The following APP variants were observed in gnomAD, a reference collection of about 807,000 sequenced individuals.
The protein encoded by APP is amyloid-beta precursor protein.
A neutral mutation model predicts 101.4 loss-of-function variants in APP; 31 were observed. The ratio of observed to expected loss-of-function variants is 0.31; its 90% CI spans 0.23 to 0.41. The LOEUF (loss-of-function observed/expected upper bound fraction) is 0.41, where lower values mean the gene tolerates loss of function less well. Among genes scored for constraint, APP ranks in the 10% least tolerant of loss-of-function variants. The pLI is 1.00. For synonymous variants in APP, 366 were observed against 364.4 expected (o/e 1.00, Z -0.05); for missense variants, 839 against 1,003.7 (o/e 0.84, Z 2.22).
chr21:26,145,126 G>A (rs1031329407), intron 1 of APP, among the ~76,000 whole-genome samples: 1 of 152,172 alleles, frequency 6.6e-6, no homozygotes, highest in African/African-American at 2.4e-5. Flanking sequence ...CCTGTGGGAT[G>A]AAGTCTCTGG....
chr21:25,996,976 C>G (rs746623595), intron 8 of APP, among the ~76,000 whole-genome samples: 3 of 152,206 alleles, frequency 2.0e-5, no homozygotes, highest in Non-Finnish European at 4.4e-5. Flanking sequence ...TCCACTGCAC[C>G]TAGCCCTTGT....
chr21:26,069,021 G>A (rs758749009), intron 3 of APP, among the ~76,000 whole-genome samples: 4 of 152,194 alleles, frequency 2.6e-5, no homozygotes, highest in Non-Finnish European at 5.9e-5. Context: ...TTGGGTCAAA[G>A]TCTTTCCTAT....
At chr21:26,021,769 A>G in intron 6 of APP, 71 bp downstream of exon 6, 1 of 1,585,036 alleles carries the variant, frequency 6.3e-7, no homozygotes, top group East Asian at 2.2e-5. Context: ...GCTAGGGTGG[A>G]TATTTCCAAC....
intron 14 of APP, among the ~76,000 whole-genome samples, chr21:25,906,505 G>T (rs918926640): frequency 6.6e-6 from 1 of 152,230 alleles, no homozygotes; most frequent in African/African-American, 2.4e-5. Flanking sequence ...CTACAGAACT[G>T]CACTGATTAA....
intron 11 of APP, among the ~76,000 whole-genome samples, chr21:25,971,389 C>A (rs1245299082): frequency 6.6e-6 from 1 of 152,208 alleles, no homozygotes; most frequent in East Asian, 1.9e-4. Context: ...GTGAAGGACA[C>A]TGATTCCTGA....
At chr21:25,989,247 G>C (rs1379822491) in intron 8 of APP, among the ~76,000 whole-genome samples, 1 of 152,178 alleles carries the variant, frequency 6.6e-6, no homozygotes, top group African/African-American at 2.4e-5. Context: ...ACTCCTTAGA[G>C]GATAATCCAT....
At chr21:26,071,487 T>C (rs1254062713) in intron 3 of APP, among the ~76,000 whole-genome samples, 2 of 152,228 alleles carry the variant, frequency 1.3e-5, no homozygotes, top group East Asian at 1.9e-4. Flanking sequence ...TCTGAAGAGA[T>C]AGCTCCCATT....
chr21:26,120,658 T>G (rs1293894219), intron 1 of APP, among the ~76,000 whole-genome samples: 1 of 152,200 alleles, frequency 6.6e-6, no homozygotes, highest in African/African-American at 2.4e-5. Flanking sequence ...GCTTCTTTTC[T>G]CCTACATTTT....
At chr21:25,896,478 T>C (rs574287216) in intron 16 of APP, among the ~76,000 whole-genome samples, 2 of 152,112 alleles carry the variant, frequency 1.3e-5, no homozygotes, top group South Asian at 4.1e-4. Context: ...TTAAGTATTA[T>C]TGCTATGGAA....
chr21:26,121,235 T>C (rs967915714), intron 1 of APP, among the ~76,000 whole-genome samples: 1 of 152,200 alleles, frequency 6.6e-6, no homozygotes, highest in African/African-American at 2.4e-5. Context: ...CTAGACATAA[T>C]TTATTTTATT....
At chr21:26,047,603 C>T (rs1178538262) in intron 5 of APP, among the ~76,000 whole-genome samples, 2 of 152,154 alleles carry the variant, frequency 1.3e-5, no homozygotes, top group African/African-American at 4.8e-5. Context: ...ATACTGAATC[C>T]AAACCAATTT....
chr21:26,018,673 T>TTA (rs1401855636), intron 6 of APP, among the ~76,000 whole-genome samples: 1 of 152,178 alleles, frequency 6.6e-6, no homozygotes, highest in Non-Finnish European at 1.5e-5. Context: ...GTTCAGGAGT[T>TTA]TGAGGTGGAA....
At chr21:25,883,293 C>T (rs1394665746) in intron 17 of APP, among the ~76,000 whole-genome samples, 1 of 152,116 alleles carries the variant, frequency 6.6e-6, no homozygotes, top group Non-Finnish European at 1.5e-5. Context: ...ATCCCAGCTG[C>T]TCCACAGGCG....
chr21:25,933,113 C>A (rs1344505311), intron 13 of APP, among the ~76,000 whole-genome samples: 2 of 151,820 alleles, frequency 1.3e-5, no homozygotes, highest in Non-Finnish European at 2.9e-5. Context: ...TTTCTTTTTG[C>A]TTTGAGGAAG....
intron 15 of APP, among the ~76,000 whole-genome samples, chr21:25,903,419 CAT>C (rs1220078210): frequency 6.8e-6 from 1 of 146,242 alleles, no homozygotes; most frequent in East Asian, 2.0e-4. Flanking sequence ...AAGAAAAAAA[CAT>C]TGACTGGTAG....
chr21:26,149,356 T>C (rs2063215983), intron 1 of APP, among the ~76,000 whole-genome samples: 1 of 152,206 alleles, frequency 6.6e-6, no homozygotes, highest in Non-Finnish European at 1.5e-5. Flanking sequence ...AAGAAAAAAT[T>C]AAGTGAAAGC....
chr21:26,082,079 C>T (rs1018713490), intron 3 of APP, among the ~76,000 whole-genome samples: 28 of 151,974 alleles, frequency 1.8e-4, no homozygotes, highest in African/African-American at 3.4e-4. Context: ...ATTAGCTGGG[C>T]GTGGTGGCGG....
chr21:25,968,003 G>A (rs2041861754), intron 11 of APP, among the ~76,000 whole-genome samples: 1 of 152,182 alleles, frequency 6.6e-6, no homozygotes, highest in Non-Finnish European at 1.5e-5. Flanking sequence ...AAGTAAAAAG[G>A]TGAAGGGGTT....
rs1045962756 is a variant in APP, at chr21:25,989,878, T to A, written c.1091-7401A>T. ...CTTTAATCTTGAAACATGGCAGAGCTTTCCGAGTGCCATGCTTATTATAAC... is the reference window on the plus strand; with the variant it reads ...CTTTAATCTTGAAACATGGCAGAGCATTCCGAGTGCCATGCTTATTATAAC... On this transcript the variant is annotated intron_variant, in intron 8 of 17. Transcript: ENST00000346798. Among the ~76,000 whole-genome samples, 7 of 152,124 alleles carry A rather than the reference T, an allele frequency of 4.6e-5. No homozygotes were observed. The East Asian group carries it at 9.7e-4, about 21-fold the overall frequency.
Sources: allele counts gnomAD v4.1 joint callset (sites outside exome capture counted in the v4.1 genomes callset), GRCh38; gene constraint gnomAD v4.1.1; transcripts MANE v1.5; gene names NCBI Gene and HGNC (gene_info 2026-07-23, HGNC 2026-07-21).